Variants in NUTF2 observed in about 807,000 individuals in gnomAD.
NUTF2 encodes the protein placental protein 15.
Under a neutral mutation model 18.5 loss-of-function variants are expected in NUTF2, and 3 were observed. The ratio of observed to expected loss-of-function variants is 0.16; its 90% CI spans 0.07 to 0.42. The LOEUF is 0.42. Among genes scored for constraint, NUTF2 ranks in the 10% least tolerant of loss-of-function variants. NUTF2 has a pLI of 0.99. For synonymous variants in NUTF2, 51 were observed against 57.9 expected (o/e 0.88, Z 0.54); for missense variants, 44 against 160.7 (o/e 0.27, Z 3.93).
At chr16:67,850,791 G>A (rs1032783007) in intron 1 of NUTF2, among the ~76,000 whole-genome samples, 2 of 151,972 alleles carry the variant, frequency 1.3e-5, no homozygotes, top group African/African-American at 2.4e-5. Flanking sequence ...GTGTATAGGA[G>A]CCTATCTGCC....
intron 4 of NUTF2, chr16:67,870,100 G>A (rs1323856594): frequency 7.2e-5 from 11 of 152,324 alleles, no homozygotes; most frequent in Admixed American, 7.2e-4. Flanking sequence ...GGTCTCTGTA[G>A]GGAGCTCATT....
Position 67,862,695 on chromosome 16 carries a change from C to G in NUTF2, c.-29-2407C>G, listed in dbSNP as rs572399611. Among the ~76,000 whole-genome samples, 7 of 152,220 alleles carry G rather than the reference C, an allele frequency of 4.6e-5. No homozygotes were observed. The South Asian group carries it at 1.5e-3, about 32-fold the overall frequency. On this transcript the variant is annotated intron_variant, in intron 1 of 4. Coordinates refer to ENST00000219169, the MANE Select transcript of NUTF2 (RefSeq NM_005796.3). ...ACAGAAAACACAAAAAGCAGCCAGACGTGGTGGTGCTTGCCTGGAGTCTCA... is the reference window on the plus strand; with the variant it reads ...ACAGAAAACACAAAAAGCAGCCAGAGGTGGTGGTGCTTGCCTGGAGTCTCA...
At chr16:67,853,287 G>A (rs1039729855) in intron 1 of NUTF2, among the ~76,000 whole-genome samples, 10 of 152,122 alleles carry the variant, frequency 6.6e-5, no homozygotes, top group Non-Finnish European at 1.3e-4. Context: ...GACCTCCTGG[G>A]CTCAAGCAGT....
intron 1 of NUTF2, among the ~76,000 whole-genome samples, chr16:67,849,501 C>T (rs1179155913): frequency 6.6e-6 from 1 of 151,596 alleles, no homozygotes; most frequent in Admixed American, 6.6e-5. Flanking sequence ...GCCACCATGC[C>T]TGGCTAATTT....
At chr16:67,862,810 G>A (rs926064317) in intron 1 of NUTF2, among the ~76,000 whole-genome samples, 9 of 152,138 alleles carry the variant, frequency 5.9e-5, no homozygotes, top group African/African-American at 2.2e-4. Context: ...ACCCTGACCT[G>A]GGGGACAGAG....
intron 2 of NUTF2, among the ~76,000 whole-genome samples, chr16:67,866,637 T>C (rs2057974507): frequency 6.6e-6 from 1 of 152,136 alleles, no homozygotes; most frequent in South Asian, 2.1e-4. Flanking sequence ...GGCTAATTTT[T>C]GTATTTTTTA....
Position 67,870,815 on chromosome 16 carries a change from A to G in NUTF2, c.286A>G (p.Ile96Val), listed in dbSNP as rs773849589. The G allele has an allele frequency of 1.5e-5, 24 of 1,613,404 alleles. No individual in the cohort carries two copies. Among genetic ancestry groups the G allele is most frequent in the Non-Finnish European group, 8.5e-7 (1 of 1,179,466 alleles). ...VGQLKADEDPIMGFHQMFLLK... is the reference protein window; with the variant it reads ...VGQLKADEDPVMGFHQMFLLK... ...CTCCTCATAGGCGGATGAAGACCCC[A>G]TCATGGGGTTCCACCAGATGTTCCT... Residue 96 changes from isoleucine (I) to valine (V), a missense_variant, in exon 5 of 5, where the codon ATC (isoleucine) becomes GTC (valine). Ile to Val is a conservative substitution (Grantham distance 29, BLOSUM62 3). Transcript: ENST00000219169.
rs2058017052 is a variant in NUTF2 at position 67,872,032 on chromosome 16, C to T, written c.*1119C>T. The T allele has an allele frequency of 6.6e-6, 1 of 152,402 alleles. No individual in the cohort carries two copies. The highest frequency in any genetic ancestry group is 6.5e-5 in the Admixed American group (1 of 15,290). 9.4% of individuals were successfully genotyped at this position (152,402 alleles called of 1,614,324 possible). A position where few individuals can be genotyped will look rare whatever the true frequency, so the allele number is the denominator to read the frequency against. ...GGCCTCTCTCCACTTCCTTCCTCAG[C>T]ATACAGACTTCATGCTATCTTCCAA... On this transcript the variant is annotated 3_prime_UTR_variant, in exon 5 of 5. Coordinates refer to ENST00000219169, the MANE Select transcript of NUTF2 (RefSeq NM_005796.3).
intron 1 of NUTF2, among the ~76,000 whole-genome samples, chr16:67,848,193 A>G (rs2057822255): frequency 6.6e-6 from 1 of 152,138 alleles, no homozygotes; most frequent in Admixed American, 6.6e-5. Flanking sequence ...GAGAGATGGT[A>G]AATTAAGGAA....
At position 67,868,399 on chromosome 16, in the gene NUTF2, G is replaced by A. The variant is rs1442444031; in HGVS notation, c.159G>A (p.Val53=). ...GQQFQGKAAI[V]EKLSSLPFQK... is the part of the protein sequence containing the mutation. ...AGTTCCAGGGGAAAGCTGCCATTGT[G>A]GAGAAGTTGTCTGTAAGTAGGGAAG... Residue 53 remains valine, a synonymous_variant, in exon 3 of 5, where the codon GTG becomes GTA. Transcript: ENST00000219169. 1 of 1,614,142 alleles carries A rather than the reference G, an allele frequency of 6.2e-7. No homozygotes were observed. The highest frequency in any genetic ancestry group is 8.5e-7 in the Non-Finnish European group (1 of 1,180,032).
chr16:67,856,525 T>G (rs1316862855), intron 1 of NUTF2, among the ~76,000 whole-genome samples: 1 of 150,964 alleles, frequency 6.6e-6, no homozygotes, highest in Non-Finnish European at 1.5e-5. Flanking sequence ...TTTTCCTTTT[T>G]GAGTCGGAGT....
intron 1 of NUTF2, among the ~76,000 whole-genome samples, chr16:67,849,469 G>A (rs1241926218): frequency 6.6e-6 from 1 of 151,472 alleles, no homozygotes; most frequent in African/African-American, 2.4e-5. Flanking sequence ...AGCCTCCCTG[G>A]TAGCTGGGAC....
chr16:67,864,993 C>G, intron 1 of NUTF2, 109 bp from the exon 2 acceptor site: 6 of 613,008 alleles, frequency 9.8e-6, no homozygotes, highest in Non-Finnish European at 1.8e-5. Context: ...TCTGAGAGAA[C>G]AGATCTCAGC....
chr16:67,855,435 GT>G (rs1220076767), intron 1 of NUTF2, among the ~76,000 whole-genome samples: 1 of 152,178 alleles, frequency 6.6e-6, no homozygotes, highest in Non-Finnish European at 1.5e-5. Context: ...TTACTCATTT[GT>G]TGCTGTACCT....
chr16:67,865,836 A>G (rs1436143080), intron 2 of NUTF2, among the ~76,000 whole-genome samples: 3 of 150,176 alleles, frequency 2.0e-5, no homozygotes, highest in African/African-American at 7.4e-5. Context: ...CTCCTGCCTC[A>G]GCCTCCCGAG....
chr16:67,856,775 G>A (rs2057900961), intron 1 of NUTF2, among the ~76,000 whole-genome samples: 1 of 152,198 alleles, frequency 6.6e-6, no homozygotes, highest in South Asian at 2.1e-4. Context: ...CTCCCAAAGT[G>A]CTGGGTTTAC....
intron 1 of NUTF2, among the ~76,000 whole-genome samples, chr16:67,849,079 C>T (rs2057832029): frequency 6.6e-6 from 1 of 152,200 alleles, no homozygotes; most frequent in South Asian, 2.1e-4. Context: ...TGTAACTTTC[C>T]TAGTCCATAT....
intron 2 of NUTF2, 141 bp downstream of exon 2, chr16:67,865,370 G>A: frequency 1.7e-6 from 1 of 598,746 alleles, no homozygotes; most frequent in Non-Finnish European, 3.0e-6. Context: ...ACGGGACAGG[G>A]GTCTGACGCT....
intron 4 of NUTF2, among the ~76,000 whole-genome samples, chr16:67,869,506 C>A (rs560560927): frequency 6.6e-6 from 1 of 151,770 alleles, no homozygotes; most frequent in African/African-American, 2.4e-5. Flanking sequence ...AGATTCTGGG[C>A]TGGGCGCGGT....
Sources: gnomAD v4.1 joint callset for allele counts (sites outside exome capture counted in the v4.1 genomes callset) on GRCh38, gnomAD v4.1.1 for gene constraint, MANE v1.5 for transcripts, NCBI Gene and HGNC (gene_info 2026-07-23, HGNC 2026-07-21) for gene names.